Variants in TTC28 observed in about 807,000 individuals in gnomAD.
TTC28 encodes the protein tetratricopeptide repeat protein 28.
TTC28 carries 61 observed loss-of-function variants against 198.0 expected under a neutral mutation model. The observed-to-expected ratio is 0.31, with a 90% CI of 0.25 to 0.38. The LOEUF is 0.38. Ranked by LOEUF, TTC28 falls within the 10% of genes least tolerant of loss-of-function variation. The pLI is 1.00. For missense variants in TTC28, 2,678 were observed against 3,164.0 expected (o/e 0.85, Z 3.69); for synonymous variants, 1,171 against 1,297.8 (o/e 0.90, Z 2.10).
At chr22:28,425,551 T>C (rs936702199) in intron 2 of TTC28, among the ~76,000 whole-genome samples, 1 of 152,228 alleles carries the variant, frequency 6.6e-6, no homozygotes, top group Non-Finnish European at 1.5e-5. Flanking sequence ...CTCTCTGATA[T>C]ATTGAATGGC....
rs1937455425 is a variant in TTC28 at position 27,992,585 on chromosome 22, A to G, written c.5553+2T>C. The G allele has an allele frequency of 6.5e-7, 1 of 1,550,182 alleles. No homozygotes were observed. On this transcript the variant is annotated splice_donor_variant, in intron 19 of 22. Coordinates refer to ENST00000397906, the MANE Select transcript of TTC28 (RefSeq NM_001145418.2). LOFTEE classifies it high-confidence loss of function. ...TGGCTCAGCCCTCCAGGCTCGACTT[A>G]CCCGGCTGATGAGCTGCTCGCCCGT...
intron 2 of TTC28, among the ~76,000 whole-genome samples, chr22:28,414,695 A>G (rs577859598): frequency 6.6e-6 from 1 of 152,230 alleles, no homozygotes; most frequent in African/African-American, 2.4e-5. Flanking sequence ...GCGATGTAAG[A>G]CAGTCCCTGA....
At chr22:28,621,135 T>C (rs1215218734) in intron 2 of TTC28, among the ~76,000 whole-genome samples, 1 of 152,234 alleles carries the variant, frequency 6.6e-6, no homozygotes, top group Non-Finnish European at 1.5e-5. Context: ...TGAGCTTATG[T>C]TGAGAAATAA....
At chr22:28,002,522 C>T (rs958264113) in intron 14 of TTC28, 11 of 152,156 alleles carry the variant, frequency 7.2e-5, no homozygotes, top group Non-Finnish European at 1.2e-4. Flanking sequence ...GCCGTGGGCA[C>T]TTGACTGAGA....
intron 2 of TTC28, among the ~76,000 whole-genome samples, chr22:28,525,278 G>A (rs1243515611): frequency 6.6e-6 from 1 of 152,006 alleles, no homozygotes; most frequent in Non-Finnish European, 1.5e-5. Context: ...TCAGCCTCTC[G>A]AGTAGCTAGG....
intron 2 of TTC28, among the ~76,000 whole-genome samples, chr22:28,322,183 T>C (rs537323543): frequency 6.6e-6 from 1 of 152,274 alleles, no homozygotes; most frequent in South Asian, 2.1e-4. Context: ...AAGGAGTGTT[T>C]CATGTGCCTT....
At chr22:28,364,312 TC>T (rs2046209277) in intron 2 of TTC28, among the ~76,000 whole-genome samples, 2 of 152,230 alleles carry the variant, frequency 1.3e-5, no homozygotes, top group Non-Finnish European at 2.9e-5. Context: ...GACTTGCTCC[TC>T]CTTGCCTTCC....
At chr22:28,411,381 G>T (rs1392693257) in intron 2 of TTC28, among the ~76,000 whole-genome samples, 3 of 152,142 alleles carry the variant, frequency 2.0e-5, no homozygotes, top group Non-Finnish European at 4.4e-5. Context: ...CACATCTAGA[G>T]ATCTAAAAGA....
At chr22:28,466,568 G>A (rs974942680) in intron 2 of TTC28, among the ~76,000 whole-genome samples, 3 of 152,144 alleles carry the variant, frequency 2.0e-5, no homozygotes, top group African/African-American at 7.2e-5. Context: ...CTAGCAAAGA[G>A]CAGCACAGTG....
intron 20 of TTC28, 145 bp from the exon 21 acceptor site, chr22:27,990,152 G>A (rs1303512035): frequency 8.0e-6 from 9 of 1,128,136 alleles, no homozygotes; most frequent in East Asian, 2.7e-5. Flanking sequence ...TCTTTTTCAG[G>A]TGCATTCATA....
chr22:28,105,834 T>A (rs1467959125), intron 7 of TTC28, 32 bp from the exon 8 acceptor site: 11 of 1,518,686 alleles, frequency 7.2e-6, no homozygotes. Context: ...AGCAATGATA[T>A]TATTTCATGC....
chr22:28,198,719 T>C (rs985638795), intron 5 of TTC28, among the ~76,000 whole-genome samples: 11 of 152,042 alleles, frequency 7.2e-5, no homozygotes, highest in Non-Finnish European at 5.9e-5. Context: ...CACACACGTA[T>C]TGAGACTCAA....
chr22:28,092,407 G>T (rs75862757), intron 12 of TTC28, among the ~76,000 whole-genome samples: 1 of 152,150 alleles, frequency 6.6e-6, no homozygotes, highest in Admixed American at 6.5e-5. Context: ...GAGGGACAGT[G>T]GGGGGACTAA....
At chr22:28,547,353 T>C (rs1212024714) in intron 2 of TTC28, among the ~76,000 whole-genome samples, 1 of 152,120 alleles carries the variant, frequency 6.6e-6, no homozygotes, top group East Asian at 1.9e-4. Flanking sequence ...CAAAGATTCA[T>C]TTAAGCACGA....
At chr22:28,172,387 T>G (rs542368365) in intron 5 of TTC28, among the ~76,000 whole-genome samples, 9 of 152,262 alleles carry the variant, frequency 5.9e-5, no homozygotes, top group African/African-American at 1.9e-4. Flanking sequence ...GTAGATCTGG[T>G]TGGAGGCAAT....
intron 2 of TTC28, among the ~76,000 whole-genome samples, chr22:28,629,058 A>C (rs549487561): frequency 6.6e-6 from 1 of 152,248 alleles, no homozygotes; most frequent in African/African-American, 2.4e-5. Flanking sequence ...TAAAAAACAA[A>C]GATAGTAACT....
chr22:28,158,358 C>T (rs1162400278), intron 6 of TTC28, among the ~76,000 whole-genome samples: 1 of 151,996 alleles, frequency 6.6e-6, no homozygotes, highest in Non-Finnish European at 1.5e-5. Flanking sequence ...AGATTCAATG[C>T]AATCCATATC....
At chr22:28,334,219 T>C (rs1226705244) in intron 2 of TTC28, among the ~76,000 whole-genome samples, 2 of 152,024 alleles carry the variant, frequency 1.3e-5, no homozygotes, top group African/African-American at 4.8e-5. Context: ...CCATGGTGTA[T>C]ATGTGCCACA....
At chr22:28,432,944 C>A (rs1052436346) in intron 2 of TTC28, among the ~76,000 whole-genome samples, 19 of 152,148 alleles carry the variant, frequency 1.2e-4, no homozygotes, top group African/African-American at 7.2e-5. Flanking sequence ...TGTTTCTTGA[C>A]TACCCAGGGT....
Sources: gnomAD v4.1 joint callset for allele counts (sites outside exome capture counted in the v4.1 genomes callset) on GRCh38, gnomAD v4.1.1 for gene constraint, MANE v1.5 for transcripts, NCBI Gene and HGNC (gene_info 2026-07-23, HGNC 2026-07-21) for gene names.